SDK1: variants seen among roughly 807,000 people sequenced by gnomAD.
SDK1 encodes the protein sidekick cell adhesion molecule 1, also known as protein sidekick-1.
Under a neutral mutation model 245.5 loss-of-function variants are expected in SDK1, and 157 were observed. The observed-to-expected ratio is 0.64, with a 90% CI of 0.56 to 0.73. SDK1 has a LOEUF of 0.73. Among genes scored for constraint, SDK1 ranks in the 30% least tolerant of loss-of-function variants. The pLI, the probability that SDK1 is intolerant of heterozygous loss-of-function variation, is 0.00. For missense variants in SDK1, 3,583 were observed against 3,002.3 expected, an observed-to-expected ratio of 1.19 and a Z score of -4.52; for synonymous variants, 1,647 against 1,278.5, an observed-to-expected ratio of 1.29 and a Z score of -6.15.
At chr7:3,903,958 A>G (rs961382814) in intron 5 of SDK1, among the ~76,000 whole-genome samples, 3 of 152,048 alleles carry the variant, frequency 2.0e-5, no homozygotes, top group Admixed American at 2.0e-4. Context: ...CGCACACGAG[A>G]CACCCCTTCC....
At chr7:3,912,532 G>C (rs1296298255) in intron 5 of SDK1, among the ~76,000 whole-genome samples, 1 of 152,180 alleles carries the variant, frequency 6.6e-6, no homozygotes, top group African/African-American at 2.4e-5. Flanking sequence ...CCGGGGAAGA[G>C]GTACTGATTG....
chr7:4,131,377 G>A (rs1451264540), intron 27 of SDK1, among the ~76,000 whole-genome samples: 1 of 152,230 alleles, frequency 6.6e-6, no homozygotes, highest in East Asian at 1.9e-4. Flanking sequence ...CAGCGTTTGC[G>A]TATCTGTGAC....
chr7:3,502,400 C>A (rs1782245412), intron 1 of SDK1, among the ~76,000 whole-genome samples: 1 of 152,104 alleles, frequency 6.6e-6, no homozygotes, highest in East Asian at 1.9e-4. Context: ...CAGGTGCCTA[C>A]CACCATGCCT....
rs769426919 is a variant in SDK1, at chr7:4,026,606, A to G, written c.2602+9254A>G. On this transcript the variant is annotated intron_variant, in intron 17 of 44. Transcript: ENST00000404826. The surrounding 1 kb of genome is among the most constrained non-coding windows in gnomAD (Gnocchi z 4.1). Reference sequence around the variant, plus strand: ...GGAAAAAAAAATAAGTTCAGAAAGGAACACACAAAACTTTTTAAGTGTTAA... The same window carrying G: ...GGAAAAAAAAATAAGTTCAGAAAGGGACACACAAAACTTTTTAAGTGTTAA... 1.1e-4 allele frequency among the ~76,000 whole-genome samples: 17 copies of G among 152,170 alleles called. No individual in the cohort carries two copies. The highest frequency in any genetic ancestry group is 1.9e-4 in the Non-Finnish European group (13 of 68,032).
At chr7:3,855,721 C>T (rs1780529458) in intron 5 of SDK1, among the ~76,000 whole-genome samples, 1 of 152,046 alleles carries the variant, frequency 6.6e-6, no homozygotes, top group Non-Finnish European at 1.5e-5. Flanking sequence ...CATTAGGTGC[C>T]AATAAAAGAG....
chr7:3,823,912 A>G (rs1779705988), intron 5 of SDK1, among the ~76,000 whole-genome samples: 1 of 151,594 alleles, frequency 6.6e-6, no homozygotes, highest in African/African-American at 2.4e-5. Context: ...ATTTACGTAA[A>G]TGTTAAATGG....
chr7:4,230,024 G>T (rs2128234960), intron 40 of SDK1, among the ~76,000 whole-genome samples: 1 of 140,154 alleles, frequency 7.1e-6, no homozygotes, highest in East Asian at 2.1e-4. Context: ...TGGATGGATG[G>T]AAGGAGGGGG....
At chr7:3,958,340 C>T (rs921255396) in intron 7 of SDK1, 9 of 258,428 alleles carry the variant, frequency 3.5e-5, no homozygotes, top group Non-Finnish European at 6.8e-5. Context: ...TTTTTTTCTG[C>T]GGAACGGGCG....
chr7:3,305,630 A>G lies in SDK1; in HGVS notation c.298+3746A>G, dbSNP rs142128909. Among the ~76,000 whole-genome samples, 13 of 152,300 alleles carry G rather than the reference A, an allele frequency of 8.5e-5. 1 individual carries two copies. In the East Asian group the frequency reaches 2.5e-3, roughly 29 times the overall value. ...TAATTTGAGTTTCAACTGGAACTTG[A>G]GTTCTAGACTCCCTTACTTGAATAT... On this transcript the variant is annotated intron_variant, in intron 1 of 44. Coordinates refer to ENST00000404826, the MANE Select transcript of SDK1 (RefSeq NM_152744.4).
At chr7:4,191,113 C>A (rs929266818) in intron 35 of SDK1, among the ~76,000 whole-genome samples, 5 of 152,202 alleles carry the variant, frequency 3.3e-5, no homozygotes, top group Non-Finnish European at 5.9e-5. Context: ...ATCAAGCTCA[C>A]TCCTGAGACT....
At chr7:3,491,087 C>T (rs1781851407) in intron 1 of SDK1, among the ~76,000 whole-genome samples, 1 of 152,188 alleles carries the variant, frequency 6.6e-6, no homozygotes, top group African/African-American at 2.4e-5. Flanking sequence ...TTATAGATTA[C>T]AGCCGAAAAA....
chr7:3,653,821 GA>G (rs1311845444), intron 4 of SDK1, among the ~76,000 whole-genome samples: 1 of 152,272 alleles, frequency 6.6e-6, no homozygotes, highest in Non-Finnish European at 1.5e-5. Flanking sequence ...TTGCAGCTTA[GA>G]ATCTCACCTA....
intron 2 of SDK1, among the ~76,000 whole-genome samples, chr7:3,629,578 T>C (rs1485432352): frequency 1.3e-5 from 2 of 152,218 alleles, no homozygotes; most frequent in African/African-American, 4.8e-5. Flanking sequence ...AGAGGTGTCT[T>C]GGGTCAGGAG....
In SDK1 at chr7:4,220,195, T is replaced by G; in HGVS notation, c.5626T>G (p.Phe1876Val). ...VRDLTKGVTY[F>V]FRVQARTITY... Reference sequence around the variant, plus strand: ...GGACCTCACCAAGGGAGTGACCTATTTCTTCCGTGTCCAAGCGCGGACCAT... The same window carrying G: ...GGACCTCACCAAGGGAGTGACCTATGTCTTCCGTGTCCAAGCGCGGACCAT... Residue 1876 changes from phenylalanine (F) to valine (V), a missense_variant, in exon 39 of 45, where the codon TTC becomes GTC. Physicochemically the swap from Phe to Val is conservative, Grantham distance 50. Coordinates refer to ENST00000404826, the MANE Select transcript of SDK1 (RefSeq NM_152744.4). 1 of 1,614,070 alleles carries G rather than the reference T, an allele frequency of 6.2e-7. No individual in the cohort carries two copies. The highest frequency in any genetic ancestry group is 1.1e-5 in the South Asian group (1 of 91,080).
At chr7:3,772,759 A>G (rs949506260) in intron 4 of SDK1, among the ~76,000 whole-genome samples, 1 of 152,204 alleles carries the variant, frequency 6.6e-6, no homozygotes, top group Non-Finnish European at 1.5e-5. Flanking sequence ...AGAGCAGTCT[A>G]CAGGTAACAA....
At chr7:3,696,518 C>T (rs1179015201) in intron 4 of SDK1, among the ~76,000 whole-genome samples, 2 of 151,814 alleles carry the variant, frequency 1.3e-5, no homozygotes, top group Non-Finnish European at 2.9e-5. Flanking sequence ...TGATGGTGCT[C>T]TGTAATATGT....
At chr7:4,110,254 G>C (rs757986888) in intron 22 of SDK1, among the ~76,000 whole-genome samples, 1 of 152,180 alleles carries the variant, frequency 6.6e-6, no homozygotes, top group Non-Finnish European at 1.5e-5. Context: ...CTCTGTCACT[G>C]CTTACCATGG....
chr7:3,589,932 C>T (rs1035386938), intron 1 of SDK1, among the ~76,000 whole-genome samples: 3 of 152,150 alleles, frequency 2.0e-5, no homozygotes, highest in African/African-American at 7.2e-5. Context: ...TGAGGTTATG[C>T]AGAGTCTGTG....
Position 4,243,337 on chromosome 7 carries a change from A to T in SDK1, c.6251+1424A>T, listed in dbSNP as rs1203895100. On this transcript the variant is annotated intron_variant, in intron 43 of 44. Coordinates refer to ENST00000404826, the MANE Select transcript of SDK1 (RefSeq NM_152744.4). ...GACCCAAGGACAAAATAAAATTAAGATGGAAAAGAAAATGGACCCTTCCCT... is the reference window on the plus strand; with the variant it reads ...GACCCAAGGACAAAATAAAATTAAGTTGGAAAAGAAAATGGACCCTTCCCT... Among the ~76,000 whole-genome samples the T allele has an allele frequency of 2.6e-5, 4 of 152,202 alleles. No homozygotes were observed. In the East Asian group the frequency reaches 5.8e-4, roughly 22 times the overall value.
Sources: gnomAD v4.1 joint callset for allele counts (sites outside exome capture counted in the v4.1 genomes callset) on GRCh38, gnomAD v4.1.1 for gene constraint, Gnocchi (gnomAD v3.1) non-coding constraint, MANE v1.5 for transcripts, NCBI Gene and HGNC (gene_info 2026-07-23, HGNC 2026-07-21) for gene names.